Variants in KLHL12 observed in about 807,000 individuals in gnomAD.
KLHL12 encodes the protein kelch-like protein 12.
In KLHL12, 17 loss-of-function variants were observed where a neutral mutation model predicts 60.8. That is an observed-to-expected ratio of 0.28 (90% confidence interval 0.19 to 0.42). KLHL12 has a LOEUF of 0.42. Among genes scored for constraint, KLHL12 ranks in the 10% least tolerant of loss-of-function variants. The pLI is 1.00. For synonymous variants in KLHL12, 220 were observed against 250.9 expected (o/e 0.88, Z 1.16); for missense variants, 468 against 722.3 (o/e 0.65, Z 4.04).
Position 202,917,738 on chromosome 1 carries a change from CTA to C in KLHL12, c.567+431_567+432del, listed in dbSNP as rs1339626625. ...ATCCTCTTTATAACATTTTTTTTGTCTATATCTCTGTCTCTACTAGCAGGTTG... is the reference window on the plus strand; with the variant it reads ...ATCCTCTTTATAACATTTTTTTTGTCTATCTCTGTCTCTACTAGCAGGTTG... On this transcript the variant is annotated intron_variant, in intron 4 of 11. Transcript: ENST00000367261. Among the ~76,000 whole-genome samples, 3 of 152,128 alleles carry C rather than the reference CTA, an allele frequency of 2.0e-5. No homozygotes were observed. In the East Asian group the frequency reaches 5.8e-4, roughly 29 times the overall value.
At chr1:202,927,321 T>G (rs1571550312), upstream of KLHL12, 1 of 945,842 alleles carries the variant, frequency 1.1e-6, no homozygotes, top group Non-Finnish European at 1.3e-6. Context: ...CGTGAGGAGG[T>G]GGTGTCACGT....
At chr1:202,927,531 A>AAAAAAAG (rs1653651020), upstream of KLHL12, among the ~76,000 whole-genome samples, 1 of 148,226 alleles carries the variant, frequency 6.7e-6, no homozygotes, top group East Asian at 2.0e-4. Context: ...AAAAAAAAAA[A>AAAAAAAG]AAAAAAAAAA....
intron 2 of KLHL12, among the ~76,000 whole-genome samples, chr1:202,921,173 G>A (rs1270506644): frequency 7.0e-6 from 1 of 143,714 alleles, no homozygotes; most frequent in Non-Finnish European, 1.5e-5. Flanking sequence ...ACTACAACCA[G>A]CTAATTTTTT....
intron 6 of KLHL12, among the ~76,000 whole-genome samples, chr1:202,903,457 C>CT (rs1252889378): frequency 4.9e-4 from 26 of 52,722 alleles, no homozygotes; most frequent in Non-Finnish European, 2.6e-4. Flanking sequence ...CTCATGCATT[C>CT]TTGTTTTTTT....
At chr1:202,927,519 CAAAAA>C (rs869139683), upstream of KLHL12, among the ~76,000 whole-genome samples, 9 of 52,814 alleles carry the variant, frequency 1.7e-4, no homozygotes, top group South Asian at 7.5e-4. Context: ...CCCGTTTCTA[CAAAAA>C]AAAAAAAAAA....
Position 202,898,408 on chromosome 1 carries a change from C to T in KLHL12, c.833-1448G>A, listed in dbSNP as rs565641219. On this transcript the variant is annotated intron_variant, in intron 6 of 11. Transcript: ENST00000367261. ...AGCTGACAGGAAACACAGATAAACC[C>T]CTAATGAAGTAATGGATTTGACAAT... Among the ~76,000 whole-genome samples, 4 of 152,218 alleles carry T rather than the reference C, an allele frequency of 2.6e-5. No homozygotes were observed. The South Asian group carries it at 8.3e-4, about 32-fold the overall frequency.
At chr1:202,925,595 T>C (rs1653502633) in intron 1 of KLHL12, among the ~76,000 whole-genome samples, 1 of 152,194 alleles carries the variant, frequency 6.6e-6, no homozygotes, top group South Asian at 2.1e-4. Context: ...AGTAGATAAG[T>C]ATTTAGAGCA....
intron 2 of KLHL12, 138 bp downstream of exon 2, chr1:202,924,830 T>C: frequency 2.1e-6 from 2 of 932,920 alleles, no homozygotes; most frequent in Non-Finnish European, 3.2e-6. Flanking sequence ...ATCTAAGTGG[T>C]AGATCTTATC....
intron 6 of KLHL12, among the ~76,000 whole-genome samples, chr1:202,906,793 C>T (rs535801669): frequency 1.3e-5 from 2 of 152,184 alleles, no homozygotes; most frequent in East Asian, 3.9e-4. Flanking sequence ...TCCAGAGTAG[C>T]TGGGATTACA....
rs1406495176 is a variant in KLHL12, at chr1:202,912,409, C to G, written c.568-1206G>C. The G allele has an allele frequency of 7.3e-6, 6 of 816,464 alleles. No homozygotes were observed. The East Asian group carries it at 1.5e-4, about 20-fold the overall frequency. 50.6% of individuals were successfully genotyped at this position (816,464 alleles called of 1,614,324 possible). On this transcript the variant is annotated intron_variant, in intron 4 of 11. Transcript: ENST00000367261. ...TCCAGCCAAAGAAGTCGAAGTGGTT[C>G]TGGAAACTTTGGTTTGGTCGTGGAG...
chr1:202,925,091 G>C lies in KLHL12; in HGVS notation c.72C>G (p.Asn24Lys), dbSNP rs1653462053. 1 of 1,614,082 alleles carries C rather than the reference G, an allele frequency of 6.2e-7. No homozygotes were observed. The highest frequency in any genetic ancestry group is 8.5e-7 in the Non-Finnish European group (1 of 1,180,018). The part of the protein sequence containing the change: ...THAKSILNSM[N>K]SLRKSNTLCD... Reference sequence around the variant, plus strand: ...AGAGGGTATTGCTCTTCCTGAGGGAGTTCATTGAATTGAGGATGGATTTAG... The same window carrying C: ...AGAGGGTATTGCTCTTCCTGAGGGACTTCATTGAATTGAGGATGGATTTAG... The change falls in exon 2 of 12, where the codon AAC (asparagine) becomes AAG (lysine). Residue 24 changes from asparagine (N) to lysine (K), a missense_variant. Transcript: ENST00000367261.
rs1452480036 is a variant in KLHL12 at position 202,909,114 on chromosome 1, C to T, written c.728G>A (p.Arg243His). 1.9e-5 allele frequency: 31 copies of T among 1,611,600 alleles called. No homozygotes were observed. Among genetic ancestry groups the T allele is most frequent in the East Asian group, 4.5e-5 (2 of 44,828 alleles). Residue 243 changes from arginine to histidine, a missense_variant, in exon 6 of 12, where the codon CGC (arginine) becomes CAC (histidine). By Grantham distance (29) the Arg-to-His change is conservative. Coordinates refer to ENST00000367261, the MANE Select transcript of KLHL12 (RefSeq NM_021633.4). The surrounding 1 kb of genome is among the most constrained non-coding windows in gnomAD (Gnocchi z 4.1). Reference protein sequence around the residue: ...TDVIDAEPFIRCSLQCRDLVD... With the variant: ...TDVIDAEPFIHCSLQCRDLVD... Reference sequence around the variant, plus strand: ...CAGATCCCTGCATTGTAAACTACAGCGGATGAAAGGCTGAAATATAGCAGA... The same window carrying T: ...CAGATCCCTGCATTGTAAACTACAGTGGATGAAAGGCTGAAATATAGCAGA...
intron 2 of KLHL12, among the ~76,000 whole-genome samples, chr1:202,922,928 A>T (rs1409930656): frequency 6.6e-6 from 1 of 152,176 alleles, no homozygotes; most frequent in Non-Finnish European, 1.5e-5. Context: ...TTTCAATCAG[A>T]TGACATTTGA....
intron 6 of KLHL12, among the ~76,000 whole-genome samples, chr1:202,899,149 C>T (rs1173442051): frequency 1.3e-5 from 2 of 151,882 alleles, no homozygotes; most frequent in South Asian, 4.2e-4. Context: ...CCCGTCTCTA[C>T]TAAAAATACA....
chr1:202,892,754 A>G, intron 11 of KLHL12, 95 bp from the exon 12 acceptor site: 1 of 1,363,004 alleles, frequency 7.3e-7, no homozygotes, highest in Non-Finnish European at 1.0e-6. Context: ...AGGTAAGAGG[A>G]TTGCTTAAGC....
chr1:202,928,411 A>G (rs1181901385), upstream of KLHL12: 1 of 923,360 alleles, frequency 1.1e-6, no homozygotes, highest in East Asian at 6.2e-5. Flanking sequence ...ACCGCTCACT[A>G]GGCAGGGCAG....
At chr1:202,903,584 C>T (rs1448611254) in intron 6 of KLHL12, among the ~76,000 whole-genome samples, 6 of 144,630 alleles carry the variant, frequency 4.1e-5, no homozygotes, top group African/African-American at 1.3e-4. Context: ...CCTAGCCTCC[C>T]ACTTCAGCTT....
chr1:202,924,365 T>C (rs966583481), intron 2 of KLHL12, among the ~76,000 whole-genome samples: 1 of 152,232 alleles, frequency 6.6e-6, no homozygotes, highest in African/African-American at 2.4e-5. Context: ...TCTTCACATA[T>C]TGTTAGGAGG....
At chr1:202,916,018 T>C (rs998134995) in intron 4 of KLHL12, among the ~76,000 whole-genome samples, 3 of 152,258 alleles carry the variant, frequency 2.0e-5, no homozygotes, top group Non-Finnish European at 4.4e-5. Flanking sequence ...ATTCTATTCA[T>C]TGTATTTTCC....
Sources: allele counts gnomAD v4.1 joint callset (sites outside exome capture counted in the v4.1 genomes callset), GRCh38; gene constraint gnomAD v4.1.1; non-coding constraint Gnocchi (gnomAD v3.1); transcripts MANE v1.5; gene names NCBI Gene and HGNC (gene_info 2026-07-23, HGNC 2026-07-21).